LIN28B: variants seen among roughly 807,000 people sequenced by gnomAD.
LIN28B encodes the protein protein lin-28 homolog B.
Under a neutral mutation model 21.9 loss-of-function variants are expected in LIN28B, and 5 were observed. The ratio of observed to expected loss-of-function variants is 0.23; its 90% CI spans 0.12 to 0.48. LIN28B has a LOEUF of 0.48. LIN28B is among the 20% of genes least tolerant of loss of function. LIN28B has a pLI of 0.98. For synonymous variants in LIN28B, 109 were observed against 111.3 expected, an observed-to-expected ratio of 0.98 and a Z score of 0.13; for missense variants, 245 against 310.5, an observed-to-expected ratio of 0.79 and a Z score of 1.58.
At chr6:104,953,116 G>T (rs1010709655), upstream of LIN28B, among the ~76,000 whole-genome samples, 1 of 152,356 alleles carries the variant, frequency 6.6e-6, no homozygotes, top group East Asian at 1.9e-4. Flanking sequence ...CGGGCGGGTC[G>T]GCGGCTTTCA....
intron 2 of LIN28B, among the ~76,000 whole-genome samples, chr6:105,021,834 T>G (rs1441124646): frequency 1.3e-5 from 2 of 152,182 alleles, no homozygotes; most frequent in African/African-American, 4.8e-5. Flanking sequence ...TTAAGTCTTT[T>G]TTGTCTATTT....
chr6:104,994,349 C>T (rs1770557255), intron 2 of LIN28B, among the ~76,000 whole-genome samples: 1 of 152,220 alleles, frequency 6.6e-6, no homozygotes, highest in African/African-American at 2.4e-5. Context: ...AAGTGAAGAT[C>T]TGTGGCAAAA....
At chr6:104,940,968 C>A (rs1778079594) in intron 2 of LIN28B, 1 of 152,256 alleles carries the variant, frequency 6.6e-6, no homozygotes, top group Admixed American at 6.5e-5. Context: ...ACACCCTCTC[C>A]CCCTCTCACA....
chr6:104,996,492 A>T (rs1384542271), intron 2 of LIN28B, among the ~76,000 whole-genome samples: 1 of 152,192 alleles, frequency 6.6e-6, no homozygotes, highest in East Asian at 1.9e-4. Context: ...TGTCTTTCTC[A>T]GTATATAACA....
intron 3 of LIN28B, among the ~76,000 whole-genome samples, chr6:105,032,566 A>G (rs1257061797): frequency 6.6e-6 from 1 of 152,026 alleles, no homozygotes; most frequent in Non-Finnish European, 1.5e-5. Flanking sequence ...CATTGCAAAA[A>G]GTAAAAAAAT....
intron 3 of LIN28B, among the ~76,000 whole-genome samples, chr6:105,036,300 C>T (rs888258899): frequency 3.3e-5 from 5 of 152,136 alleles, no homozygotes; most frequent in Non-Finnish European, 7.4e-5. Flanking sequence ...AATAACTAAA[C>T]TATTGCATCC....
In LIN28B at chr6:104,957,319, C is replaced by A; in HGVS notation, c.10+59C>A. ...TTCTTTCTTCTTTTCTCCTCCCCCTCCCCCTCTCCCACCCTTCTTAGACCG... is the reference window on the plus strand; with the variant it reads ...TTCTTTCTTCTTTTCTCCTCCCCCTACCCCTCTCCCACCCTTCTTAGACCG... On this transcript the variant is annotated intron_variant, in intron 1 of 3. Coordinates refer to ENST00000345080, the MANE Select transcript of LIN28B (RefSeq NM_001004317.4). The A allele has an allele frequency of 2.6e-6, 3 of 1,153,920 alleles. No individual in the cohort carries two copies. The South Asian group carries it at 4.0e-5, about 15-fold the overall frequency. The allele number at this position is 1,153,920 out of a possible 1,614,324, so 71.5% of individuals were successfully genotyped here. A position where few individuals can be genotyped will look rare whatever the true frequency, so the allele number is the denominator to read the frequency against.
intron 2 of LIN28B, among the ~76,000 whole-genome samples, chr6:105,003,872 A>G (rs1165874335): frequency 6.6e-6 from 1 of 152,220 alleles, no homozygotes; most frequent in Non-Finnish European, 1.5e-5. Context: ...ATTGTTCTAC[A>G]AGGCTGATAT....
chr6:104,997,546 C>A (rs1770637124), intron 2 of LIN28B, among the ~76,000 whole-genome samples: 1 of 151,456 alleles, frequency 6.6e-6, no homozygotes, highest in African/African-American at 2.4e-5. Context: ...AACACCCGCC[C>A]CCCCCCGCCA....
chr6:105,008,008 C>T (rs1223965830), intron 2 of LIN28B, among the ~76,000 whole-genome samples: 1 of 152,132 alleles, frequency 6.6e-6, no homozygotes, highest in Non-Finnish European at 1.5e-5. Context: ...TGTTAGTGCC[C>T]TCTGTCAGAT....
chr6:105,043,204 A>C (rs983781434), intron 3 of LIN28B, among the ~76,000 whole-genome samples: 1 of 152,074 alleles, frequency 6.6e-6, no homozygotes, highest in African/African-American at 2.4e-5. Flanking sequence ...AGGCAGGTGG[A>C]TCACTTGAGA....
In LIN28B at chr6:105,016,883, C is replaced by A. The variant is rs147841131; in HGVS notation, c.199-9415C>A. 2.4e-3 allele frequency among the ~76,000 whole-genome samples: 365 copies of A among 151,412 alleles called. 1 individual carries two copies. Among genetic ancestry groups the A allele is most frequent in the Non-Finnish European group, 4.4e-3 (299 of 67,836 alleles). ...ACCAGCCTGAGCAACTTGGCAAGAC[C>A]CCATCTGTAATGAAAATCAAAACAA... On this transcript the variant is annotated intron_variant, in intron 2 of 3. Transcript: ENST00000345080.
At chr6:104,961,689 C>T (rs556336414) in intron 2 of LIN28B, among the ~76,000 whole-genome samples, 25 of 152,216 alleles carry the variant, frequency 1.6e-4, no homozygotes, top group African/African-American at 4.1e-4. Flanking sequence ...CGTGAGCCAC[C>T]GCGCCCGGCT....
chr6:105,022,099 TCTCAAAAAAAGATTTTTGAGACAAGGGA>T, intron 2 of LIN28B, among the ~76,000 whole-genome samples: 1 of 150,824 alleles, frequency 6.6e-6, no homozygotes, highest in African/African-American at 2.4e-5. Context: ...GAGACAAGGG[TCTCAAAAAAAGATTTTTGAGACAAGGGA>T]CTTAACAGGC....
intron 2 of LIN28B, among the ~76,000 whole-genome samples, chr6:104,974,468 G>A (rs561889134): frequency 2.2e-5 from 3 of 135,072 alleles, no homozygotes; most frequent in Non-Finnish European, 4.6e-5. Flanking sequence ...CAGCTTGGGC[G>A]ACACAGCAAG....
upstream of LIN28B, chr6:104,956,898 C>A: frequency 3.0e-6 from 1 of 332,732 alleles, no homozygotes; most frequent in Non-Finnish European, 5.4e-6. Context: ...AAGAAGCGTT[C>A]CAAATTGTCT....
intron 3 of LIN28B, among the ~76,000 whole-genome samples, chr6:105,064,780 T>C (rs1368889918): frequency 6.6e-6 from 1 of 152,184 alleles, no homozygotes; most frequent in Non-Finnish European, 1.5e-5. Flanking sequence ...AAAAAAATAT[T>C]TAGTGTCTTT....
Position 105,025,807 on chromosome 6 carries a change from CT to C in LIN28B, c.199-480del, listed in dbSNP as rs530956563. Among the ~76,000 whole-genome samples the C allele has an allele frequency of 4.7e-3, 678 of 144,928 alleles. 5 individuals carry two copies. The highest frequency in any genetic ancestry group is 0.013 in the African/African-American group (501 of 39,808). ...TTATGGTAGACACAGTTCTTTAACT[CT>C]TTTTTTTTTTAACTCAACAATATGA... On this transcript the variant is annotated intron_variant, in intron 2 of 3. Transcript: ENST00000345080.
chr6:104,971,048 T>G (rs1045853201), intron 2 of LIN28B, among the ~76,000 whole-genome samples: 1 of 152,186 alleles, frequency 6.6e-6, no homozygotes, highest in Non-Finnish European at 1.5e-5. Context: ...CTTAAGCTAC[T>G]TGTATTCAAA....
Sources: allele counts gnomAD v4.1 joint callset (sites outside exome capture counted in the v4.1 genomes callset), GRCh38; gene constraint gnomAD v4.1.1; transcripts MANE v1.5; gene names NCBI Gene and HGNC (gene_info 2026-07-23, HGNC 2026-07-21).